The following PTPN22 variants were observed in gnomAD, a reference collection of about 807,000 sequenced individuals.
The protein encoded by PTPN22 is tyrosine-protein phosphatase non-receptor type 22.
A neutral mutation model predicts 103.3 loss-of-function variants in PTPN22; 85 were observed. That is an observed-to-expected ratio of 0.82 (90% confidence interval 0.69 to 0.99). The LOEUF is 0.99. Among genes scored for constraint, PTPN22 ranks in the 50% least tolerant of loss-of-function variants. The pLI is 0.00. For synonymous variants in PTPN22, 323 were observed against 310.2 expected, an observed-to-expected ratio of 1.04 and a Z score of -0.43; for missense variants, 865 against 936.9, an observed-to-expected ratio of 0.92 and a Z score of 1.00.
upstream of PTPN22, chr1:113,871,745 T>A: frequency 1.3e-6 from 1 of 799,886 alleles, no homozygotes; most frequent in Non-Finnish European, 2.1e-6. Context: ...CTGAAGGCTG[T>A]GGTTTACTGA....
rs1662375560 is a variant in PTPN22 at position 113,829,607 on chromosome 1, A to AC, written c.2234dup (p.Ser745ArgfsTer6). The AC allele has an allele frequency of 1.3e-6, 2 of 1,595,134 alleles. No individual in the cohort carries two copies. Among genetic ancestry groups the AC allele is most frequent in the Non-Finnish European group, 1.7e-6 (2 of 1,168,516 alleles). ...TCTTCTTTACCTTACTCCTTGTGAA[A>AC]CTTTTTCCAGGAGTCTTCAGTGTCT... On this transcript the variant is annotated frameshift_variant, in exon 18 of 21. Coordinates refer to ENST00000359785, the Ensembl canonical transcript of PTPN22. LOFTEE classifies it high-confidence loss of function.
exon 21 of PTPN22, chr1:113,814,715 T>C: frequency 3.5e-6 from 2 of 566,148 alleles, no homozygotes; most frequent in African/African-American, 3.9e-5. Flanking sequence ...TTCAACTCAA[T>C]GCAAATGATA....
intron 18 of PTPN22, 101 bp from the exon 19 acceptor site, chr1:113,825,273 T>A: frequency 1.3e-6 from 1 of 775,588 alleles, no homozygotes; most frequent in Non-Finnish European, 2.0e-6. Context: ...TTAATTTCCT[T>A]AAAAATAGCC....
exon 4 of PTPN22, chr1:113,858,548 A>G (rs1665274961): frequency 1.2e-6 from 2 of 1,600,994 alleles, no homozygotes; most frequent in Non-Finnish European, 1.7e-6. Flanking sequence ...CTGGGTGGCA[A>G]TATAAGCCTT....
At chr1:113,847,022 G>A (rs1461822748) in intron 11 of PTPN22, among the ~76,000 whole-genome samples, 2 of 39,830 alleles carry the variant, frequency 5.0e-5, no homozygotes, top group Non-Finnish European at 9.7e-5. Flanking sequence ...TGGTCCCTTA[G>A]TTCCCTGCAG....
chr1:113,843,110 A>AAAAAAAAAAAG (rs1195875096), intron 11 of PTPN22, among the ~76,000 whole-genome samples: 1 of 147,150 alleles, frequency 6.8e-6, no homozygotes, highest in African/African-American at 2.5e-5. Context: ...AAAAAAAAAA[A>AAAAAAAAAAAG]AAAAGAAAAC....
chr1:113,830,001 T>TGGG (rs759972111), exon 17 of PTPN22: 1 of 1,606,854 alleles, frequency 6.2e-7, no homozygotes, highest in South Asian at 1.1e-5. Flanking sequence ...GGAGAGGAGG[T>TGGG]GGGGGAGAAG....
intron 18 of PTPN22, among the ~76,000 whole-genome samples, chr1:113,828,069 C>T (rs181451586): frequency 1.3e-5 from 2 of 152,252 alleles, no homozygotes; most frequent in African/African-American, 4.8e-5. Context: ...ACCATCTGAT[C>T]ACCTATTTTT....
chr1:113,843,969 G>A (rs754596545), intron 11 of PTPN22, among the ~76,000 whole-genome samples: 1 of 152,124 alleles, frequency 6.6e-6, no homozygotes, highest in Non-Finnish European at 1.5e-5. Flanking sequence ...GGTGACTCAC[G>A]CCTGTAATCC....
At chr1:113,834,464 G>T (rs1278132425) in intron 14 of PTPN22, 25 bp from the exon 15 acceptor site, 21 of 1,599,290 alleles carry the variant, frequency 1.3e-5, no homozygotes, top group Non-Finnish European at 1.8e-5. Context: ...ATATAGTTCG[G>T]TTCTTAAGAA....
chr1:113,853,712 C>T (rs1321764196), intron 9 of PTPN22, among the ~76,000 whole-genome samples: 1 of 151,052 alleles, frequency 6.6e-6, no homozygotes, highest in Non-Finnish European at 1.5e-5. Context: ...GACGGAGTCT[C>T]TCTCTGTCAC....
intron 16 of PTPN22, among the ~76,000 whole-genome samples, chr1:113,830,818 G>C (rs184317535): frequency 7.2e-5 from 11 of 152,238 alleles, no homozygotes; most frequent in Non-Finnish European, 1.3e-4. Flanking sequence ...ATATGGTGCT[G>C]AGTATTACTA....
intron 1 of PTPN22, among the ~76,000 whole-genome samples, chr1:113,860,794 G>A (rs1665511995): frequency 6.6e-6 from 1 of 152,188 alleles, no homozygotes; most frequent in Non-Finnish European, 1.5e-5. Context: ...TCTTCTAGGA[G>A]TCTCCAGAAC....
rs956539841 is a variant in PTPN22, at chr1:113,832,953, A to G, written c.2053+158T>C. 3.2e-5 allele frequency: 22 copies of G among 683,282 alleles called. No homozygotes were observed. The African/African-American group carries it at 3.9e-4, about 12-fold the overall frequency. 42.3% of individuals were successfully genotyped at this position (683,282 alleles called of 1,614,324 possible). On this transcript the variant is annotated intron_variant, in intron 16 of 20. Transcript: ENST00000359785. ...AAATCCTGTCTTCACCTTGCTCTTTACAAAATTTCTAGTCTGGGAAAGCCA... is the reference window on the plus strand; with the variant it reads ...AAATCCTGTCTTCACCTTGCTCTTTGCAAAATTTCTAGTCTGGGAAAGCCA...
intron 11 of PTPN22, among the ~76,000 whole-genome samples, chr1:113,842,475 ACCATCCTGGCTAACATGGTGAAACC>A (rs1663639303): frequency 6.6e-6 from 1 of 151,958 alleles, no homozygotes; most frequent in African/African-American, 2.4e-5. Flanking sequence ...AGAGATTGAG[ACCATCCTGGCTAACATGGTGAAACC>A]CCATCTCTAC....
chr1:113,842,746 GT>G (rs1295747965), intron 11 of PTPN22, among the ~76,000 whole-genome samples: 3 of 151,930 alleles, frequency 2.0e-5, no homozygotes, highest in Non-Finnish European at 4.4e-5. Context: ...GAATCCTTGT[GT>G]ACTGTTGGTG....
At chr1:113,838,513 T>C (rs751618089) in intron 12 of PTPN22, 31 bp downstream of exon 12, 38 of 1,606,282 alleles carry the variant, frequency 2.4e-5, no homozygotes, top group Non-Finnish European at 2.7e-5. Context: ...ACACAATTAG[T>C]CAACATTTAG....
At chr1:113,837,956 C>T (rs139083120) in exon 13 of PTPN22, 2 of 1,614,096 alleles carry the variant, frequency 1.2e-6, no homozygotes, top group Non-Finnish European at 1.7e-6. Context: ...TGCATCTCTA[C>T]AAAACAAGAA....
chr1:113,827,054 C>T (rs1662145842), intron 18 of PTPN22, among the ~76,000 whole-genome samples: 1 of 152,122 alleles, frequency 6.6e-6, no homozygotes, highest in South Asian at 2.1e-4. Flanking sequence ...TTTTAATCTG[C>T]TTCAGGCATT....
Sources: allele counts gnomAD v4.1 joint callset (sites outside exome capture counted in the v4.1 genomes callset), GRCh38; gene constraint gnomAD v4.1.1; transcripts MANE v1.5; gene names NCBI Gene and HGNC (gene_info 2026-07-23, HGNC 2026-07-21).